The following TOX variants were observed in gnomAD, a reference collection of about 807,000 sequenced individuals.
TOX encodes the protein thymocyte selection associated high mobility group box.
TOX carries 11 observed loss-of-function variants against 53.7 expected under a neutral mutation model. The ratio of observed to expected loss-of-function variants is 0.20; its 90% CI spans 0.13 to 0.34. The LOEUF (loss-of-function observed/expected upper bound fraction) is 0.34, where lower values mean the gene tolerates loss of function less well. Ranked by LOEUF, TOX falls within the 10% of genes least tolerant of loss-of-function variation. The probability of loss-of-function intolerance (pLI) is 1.00; values close to 1 mark genes in which losing one functional copy is unlikely to be tolerated. For synonymous variants in TOX, 225 were observed against 245.3 expected, an observed-to-expected ratio of 0.92 and a Z score of 0.77; for missense variants, 570 against 664.6, an observed-to-expected ratio of 0.86 and a Z score of 1.56.
At chr8:58,977,280 C>T (rs182015347) in intron 1 of TOX, among the ~76,000 whole-genome samples, 3 of 152,186 alleles carry the variant, frequency 2.0e-5, no homozygotes, top group African/African-American at 7.2e-5. Context: ...ATGAACCAAC[C>T]TCTGCTAGCT....
At chr8:59,095,262 A>C (rs1804696152) in intron 1 of TOX, among the ~76,000 whole-genome samples, 1 of 152,132 alleles carries the variant, frequency 6.6e-6, no homozygotes, top group South Asian at 2.1e-4. Flanking sequence ...TTCCATAGGA[A>C]TTTCAGAGAT....
intron 1 of TOX, among the ~76,000 whole-genome samples, chr8:59,031,035 A>G (rs1006170600): frequency 1.3e-5 from 2 of 152,232 alleles, no homozygotes; most frequent in African/African-American, 4.8e-5. Context: ...AGAAAAAATT[A>G]TTGGGGGTAC....
intron 1 of TOX, among the ~76,000 whole-genome samples, chr8:59,012,881 A>AC (rs769310653): frequency 4.6e-5 from 7 of 151,436 alleles, no homozygotes; most frequent in Non-Finnish European, 7.4e-5. Context: ...CTGTTCCCAG[A>AC]CAGCGTACTC....
At chr8:59,102,167 C>T (rs921545516) in intron 1 of TOX, among the ~76,000 whole-genome samples, 1 of 152,190 alleles carries the variant, frequency 6.6e-6, no homozygotes, top group African/African-American at 2.4e-5. Flanking sequence ...GAGCAAGTCA[C>T]ATCTTATGTG....
At chr8:59,034,494 A>G (rs1268572392) in intron 1 of TOX, among the ~76,000 whole-genome samples, 1 of 151,744 alleles carries the variant, frequency 6.6e-6, no homozygotes, top group Non-Finnish European at 1.5e-5. Flanking sequence ...ATTACCAGTG[A>G]AAGGTGACAC....
At chr8:58,828,714 A>AT (rs922988803) in intron 5 of TOX, among the ~76,000 whole-genome samples, 25 of 150,912 alleles carry the variant, frequency 1.7e-4, no homozygotes, top group Admixed American at 4.0e-4. Context: ...TCATTGATTT[A>AT]TTTTTTTTTG....
rs1803737096 is a variant in TOX, at chr8:59,048,910, A to G, written c.102+69976T>C. 2.6e-5 allele frequency among the ~76,000 whole-genome samples: 4 copies of G among 152,342 alleles called. No individual in the cohort carries two copies. In the South Asian group the frequency reaches 8.3e-4, roughly 32 times the overall value. ...TTATATAAGTATGTATAAGCATAAG[A>G]GATATTAATATATGAAATATGGTTA... is the stretch of plus-strand genomic sequence containing the variant. On this transcript the variant is annotated intron_variant, in intron 1 of 8. Transcript: ENST00000361421.
At chr8:59,044,147 T>C (rs1485632475) in intron 1 of TOX, among the ~76,000 whole-genome samples, 1 of 151,800 alleles carries the variant, frequency 6.6e-6, no homozygotes. Flanking sequence ...TGTGAAATTG[T>C]TTCTTGTTCA....
intron 1 of TOX, among the ~76,000 whole-genome samples, chr8:59,034,521 T>A (rs982582115): frequency 2.0e-5 from 3 of 151,586 alleles, no homozygotes; most frequent in Non-Finnish European, 2.9e-5. Context: ...CAACTTCCTA[T>A]CTCCTTTAAA....
intron 3 of TOX, among the ~76,000 whole-genome samples, chr8:58,891,560 C>G (rs1320358768): frequency 6.6e-6 from 1 of 152,044 alleles, no homozygotes; most frequent in East Asian, 1.9e-4. Flanking sequence ...ACCACCCTCC[C>G]CTTGTAATCA....
At chr8:59,014,528 G>A (rs776272716) in intron 1 of TOX, among the ~76,000 whole-genome samples, 2 of 152,080 alleles carry the variant, frequency 1.3e-5, no homozygotes, top group East Asian at 3.8e-4. Context: ...GCTTCCTATC[G>A]GCAGACAAAG....
intron 2 of TOX, 52 bp downstream of exon 2, chr8:58,959,891 G>A: frequency 6.3e-7 from 1 of 1,583,246 alleles, no homozygotes; most frequent in Non-Finnish European, 8.7e-7. Flanking sequence ...GCAACTCTTT[G>A]AATTTGTTTA....
At chr8:58,838,555 A>C (rs1442771484) in intron 4 of TOX, among the ~76,000 whole-genome samples, 1 of 151,868 alleles carries the variant, frequency 6.6e-6, no homozygotes, top group Non-Finnish European at 1.5e-5. Flanking sequence ...GGCTCTTTTT[A>C]TATTATTACA....
intron 1 of TOX, among the ~76,000 whole-genome samples, chr8:59,077,237 T>C (rs960806387): frequency 6.6e-6 from 1 of 152,228 alleles, no homozygotes; most frequent in African/African-American, 2.4e-5. Context: ...TCCATAACCA[T>C]AGGAGTGCAT....
At chr8:58,867,671 C>T (rs533281252) in intron 3 of TOX, among the ~76,000 whole-genome samples, 1 of 152,268 alleles carries the variant, frequency 6.6e-6, no homozygotes, top group African/African-American at 2.4e-5. Context: ...TGAGGAGGGG[C>T]CTGAGACTCT....
intron 3 of TOX, among the ~76,000 whole-genome samples, chr8:58,927,009 A>G (rs777907536): frequency 1.6e-4 from 24 of 151,970 alleles, no homozygotes; most frequent in Non-Finnish European, 2.2e-4. Context: ...CTTAATCCCC[A>G]CAACCATATG....
intron 1 of TOX, among the ~76,000 whole-genome samples, chr8:59,078,611 C>G (rs933169813): frequency 1.3e-5 from 2 of 152,176 alleles, no homozygotes; most frequent in East Asian, 3.9e-4. Flanking sequence ...ACCAATTAAA[C>G]CTCTTTTCTT....
At position 58,807,633 on chromosome 8, in the gene TOX, G is replaced by A. The variant is rs1810002281; in HGVS notation, c.*114C>T. ...CCCACAAGCTCAAATGGTCCTAAGT[G>A]CTTAGCAACTTGTATTTTCTAATAA... On this transcript the variant is annotated 3_prime_UTR_variant, in exon 9 of 9. Transcript: ENST00000361421. 1 of 1,240,098 alleles carries A rather than the reference G, an allele frequency of 8.1e-7. No homozygotes were observed. Among genetic ancestry groups the A allele is most frequent in the Admixed American group, 1.9e-5 (1 of 51,566 alleles). 76.8% of individuals were successfully genotyped at this position (1,240,098 alleles called of 1,614,324 possible).
chr8:58,880,426 T>C (rs1284737983), intron 3 of TOX, among the ~76,000 whole-genome samples: 1 of 152,220 alleles, frequency 6.6e-6, no homozygotes, highest in African/African-American at 2.4e-5. Flanking sequence ...AAATGGTGAA[T>C]ACTATTATTA....
Sources: allele counts gnomAD v4.1 joint callset (sites outside exome capture counted in the v4.1 genomes callset), GRCh38; gene constraint gnomAD v4.1.1; transcripts MANE v1.5; gene names NCBI Gene and HGNC (gene_info 2026-07-23, HGNC 2026-07-21).